The following AKTIP variants were observed in gnomAD, a reference collection of about 807,000 sequenced individuals.
The protein encoded by AKTIP is AKT interacting protein.
In AKTIP, 16 loss-of-function variants were observed where a neutral mutation model predicts 39.1. The ratio of observed to expected loss-of-function variants is 0.41; its 90% CI spans 0.28 to 0.62. The LOEUF (loss-of-function observed/expected upper bound fraction) is 0.62. Ranked by LOEUF, AKTIP falls within the 20% of genes least tolerant of loss-of-function variation. The probability of loss-of-function intolerance (pLI) is 0.32; values close to 1 mark genes in which losing one functional copy is unlikely to be tolerated. For missense variants in AKTIP, 262 were observed against 356.6 expected, an observed-to-expected ratio of 0.73 and a Z score of 2.14; for synonymous variants, 93 against 124.3, an observed-to-expected ratio of 0.75 and a Z score of 1.67.
intron 3 of AKTIP, 80 bp downstream of exon 3, chr16:53,498,311 C>T: frequency 7.0e-7 from 1 of 1,424,544 alleles, no homozygotes; most frequent in Non-Finnish European, 9.9e-7. Context: ...CTGCCCTTTA[C>T]TGCATCCATC....
Position 53,494,359 on chromosome 16 carries a change from C to T in AKTIP, c.582G>A (p.Leu194=). Reference sequence around the variant, plus strand: ...CATACAGTACTGCAGCCTCTGGGTTCAGGGGGCTTGCTGTATCAATCTTGT... The same window carrying T: ...CATACAGTACTGCAGCCTCTGGGTTTAGGGGGCTTGCTGTATCAATCTTGT... ...VFYKIDTASP[L]NPEAAVLYEK... is the part of the protein sequence containing the mutation. The change falls in exon 7 of 10, where the codon CTG becomes CTA. Residue 194 remains leucine (L), a synonymous_variant. Transcript: ENST00000394657. 6.2e-7 allele frequency: 1 copy of T among 1,614,188 alleles called. No individual in the cohort carries two copies. Among genetic ancestry groups the T allele is most frequent in the Non-Finnish European group, 8.5e-7 (1 of 1,180,032 alleles).
intron 3 of AKTIP, among the ~76,000 whole-genome samples, chr16:53,496,329 G>A (rs1365122592): frequency 1.3e-5 from 2 of 151,810 alleles, no homozygotes; most frequent in Non-Finnish European, 2.9e-5. Context: ...CCCAATAGAC[G>A]CCTGTCCAAC....
chr16:53,493,801 A>G lies in AKTIP; in HGVS notation c.710+337T>C, dbSNP rs41416749. On this transcript the variant is annotated intron_variant, in intron 8 of 9. Transcript: ENST00000394657. Reference sequence around the variant, plus strand: ...CTCCTTTTACCACATCTGAATGTCAATGAGGGTTTGGCAGTTTAAGAGGGG... The same window carrying G: ...CTCCTTTTACCACATCTGAATGTCAGTGAGGGTTTGGCAGTTTAAGAGGGG... 1,301 of 264,370 alleles carry G rather than the reference A, an allele frequency of 4.9e-3. 14 individuals carry two copies. The highest frequency in any genetic ancestry group is 0.024 in the African/African-American group (1,092 of 46,018). The allele number at this position is 264,370 out of a possible 1,614,324, so 16.4% of individuals were successfully genotyped here.
intron 3 of AKTIP, 109 bp downstream of exon 3, chr16:53,498,282 G>T: frequency 1.8e-6 from 2 of 1,131,022 alleles, no homozygotes; most frequent in Non-Finnish European, 2.6e-6. Flanking sequence ...GGACAGGTTT[G>T]AGCTTTGAGA....
At position 53,491,472 on chromosome 16, in the gene AKTIP, A is replaced by G. The variant is rs1161521607; in HGVS notation, c.*940T>C. 1 of 152,596 alleles carries G rather than the reference A, an allele frequency of 6.6e-6. No individual in the cohort carries two copies. The highest frequency in any genetic ancestry group is 2.4e-5 in the African/African-American group (1 of 41,462). 9.5% of individuals were successfully genotyped at this position (152,596 alleles called of 1,614,324 possible). On this transcript the variant is annotated 3_prime_UTR_variant, in exon 10 of 10. Coordinates refer to ENST00000394657, the MANE Select transcript of AKTIP (RefSeq NM_022476.4). ...TATTAGGGAGAAAATTCAATTGTAA[A>G]TTGAATCAGTATAAACAAAGTTACT...
At chr16:53,499,846 T>G (rs1962064272) in intron 2 of AKTIP, among the ~76,000 whole-genome samples, 1 of 152,164 alleles carries the variant, frequency 6.6e-6, no homozygotes, top group African/African-American at 2.4e-5. Flanking sequence ...TTAGAAAAAT[T>G]AAATTAGTGC....
At position 53,495,021 on chromosome 16, in the gene AKTIP, T is replaced by TCA. The variant is rs1382326556; in HGVS notation, c.414+50_414+51dup. The stretch of plus-strand genomic sequence containing the variant: ...AGAACCAGGAAAGCTGTAAGCCCTT[T>TCA]CAGCCCTTCTCGCTGATCCACAAAT... On this transcript the variant is annotated intron_variant, in intron 5 of 9. Coordinates refer to ENST00000394657, the MANE Select transcript of AKTIP (RefSeq NM_022476.4). The TCA allele has an allele frequency of 2.0e-6, 3 of 1,493,666 alleles. No individual in the cohort carries two copies. The Admixed American group carries it at 5.0e-5, about 25-fold the overall frequency. The allele number at this position is 1,493,666 out of a possible 1,614,324, so 92.5% of individuals were successfully genotyped here.
chr16:53,502,851 G>C (rs867970581), intron 1 of AKTIP: 4 of 152,120 alleles, frequency 2.6e-5, no homozygotes, highest in Admixed American at 1.3e-4. Flanking sequence ...CGGCCGGGGA[G>C]GGCGGGCACG....
At chr16:53,496,499 CTTT>C (rs576422100) in intron 3 of AKTIP, among the ~76,000 whole-genome samples, 6 of 78,968 alleles carry the variant, frequency 7.6e-5, no homozygotes, top group East Asian at 3.5e-4. Context: ...GTCAAGGATG[CTTT>C]TTTTTTTTTT....
intron 7 of AKTIP, 23 bp from the exon 8 acceptor site, chr16:53,494,268 A>C: frequency 6.2e-7 from 1 of 1,612,490 alleles, no homozygotes; most frequent in Non-Finnish European, 8.5e-7. Context: ...TTTAAGTCAA[A>C]AAGTTACTAA....
Position 53,494,356 on chromosome 16 carries a change from G to T in AKTIP, c.585C>A (p.Asn195Lys). The T allele has an allele frequency of 6.2e-7, 1 of 1,614,136 alleles. No individual in the cohort carries two copies. Among genetic ancestry groups the T allele is most frequent in the Non-Finnish European group, 8.5e-7 (1 of 1,180,010 alleles). ...FYKIDTASPLNPEAAVLYEKD... is the reference protein window; with the variant it reads ...FYKIDTASPLKPEAAVLYEKD... Reference sequence around the variant, plus strand: ...TTACATACAGTACTGCAGCCTCTGGGTTCAGGGGGCTTGCTGTATCAATCT... The same window carrying T: ...TTACATACAGTACTGCAGCCTCTGGTTTCAGGGGGCTTGCTGTATCAATCT... The change falls in exon 7 of 10, where the codon AAC becomes AAA. Residue 195 changes from asparagine (N) to lysine (K), a missense_variant. Physicochemically the swap from Asn to Lys is moderately conservative, Grantham distance 94. Around this residue, in one of 4 missense-constraint regions of AKTIP, gnomAD observed 145 missense variants for 159.3 expected, o/e 0.91. Coordinates refer to ENST00000394657, the MANE Select transcript of AKTIP (RefSeq NM_022476.4).
chr16:53,494,646 A>G (rs769136279), intron 5 of AKTIP, 41 bp from the exon 6 acceptor site: 1 of 1,579,830 alleles, frequency 6.3e-7, no homozygotes. Flanking sequence ...TAATGGAAGC[A>G]GTGGCGCTTA....
chr16:53,494,904 C>A, intron 5 of AKTIP, 169 bp downstream of exon 5: 1 of 762,278 alleles, frequency 1.3e-6, no homozygotes, highest in Non-Finnish European at 2.3e-6. Context: ...AGAAACAAAG[C>A]TCTGATGGCA....
At chr16:53,501,226 AT>A (rs1962149417) in intron 1 of AKTIP, 1 of 152,228 alleles carries the variant, frequency 6.6e-6, no homozygotes, top group Non-Finnish European at 1.5e-5. Context: ...TGTCAGTACC[AT>A]CCCCCAATAA....
At chr16:53,494,631 T>TCC in intron 5 of AKTIP, 26 bp from the exon 6 acceptor site, 1 of 1,605,616 alleles carries the variant, frequency 6.2e-7, no homozygotes, top group Non-Finnish European at 8.5e-7. Flanking sequence ...GAGAGACATG[T>TCC]CCTTTAATGG....
At chr16:53,497,038 C>T (rs921882424) in intron 3 of AKTIP, among the ~76,000 whole-genome samples, 3 of 152,088 alleles carry the variant, frequency 2.0e-5, no homozygotes, top group Non-Finnish European at 4.4e-5. Flanking sequence ...TTCCAGTGAT[C>T]CTCCTGCGTC....
chr16:53,491,199 A>G lies in AKTIP; in HGVS notation c.*1213T>C, dbSNP rs1393041492. 6.6e-6 allele frequency: 1 copy of G among 152,284 alleles called. No individual in the cohort carries two copies. Among genetic ancestry groups the G allele is most frequent in the African/African-American group, 2.4e-5 (1 of 41,456 alleles). The allele number at this position is 152,284 out of a possible 1,614,324, so 9.4% of individuals were successfully genotyped here. ...ATCAAGTTGAATTGAGGGGATTAAT[A>G]TGAAAACTTATGACCTCTTCCTTTA... On this transcript the variant is annotated 3_prime_UTR_variant, in exon 10 of 10. Coordinates refer to ENST00000394657, the MANE Select transcript of AKTIP (RefSeq NM_022476.4).
At position 53,494,594 on chromosome 16, in the gene AKTIP, G is replaced by A. The variant is rs777694925; in HGVS notation, c.426C>T (p.Phe142=). The A allele has an allele frequency of 1.1e-5, 18 of 1,613,792 alleles. 1 individual carries two copies. Among genetic ancestry groups the A allele is most frequent in the Middle Eastern group, 1.6e-4 (1 of 6,084 alleles). The change falls in exon 6 of 10, where the codon TTC becomes TTT. Residue 142 remains phenylalanine, a synonymous_variant. Transcript: ENST00000394657. The part of the protein sequence containing the change: ...YPDGDCPRLV[F]DIPVFHPLVD... ...CTAGCGGGTGAAAGACAGGAATATC[G>A]AACACCAAGCGCTGTATTTAAATAA...
intron 8 of AKTIP, 179 bp downstream of exon 8, chr16:53,493,959 T>C: frequency 1.8e-6 from 1 of 559,668 alleles, no homozygotes; most frequent in South Asian, 2.6e-5. Flanking sequence ...TGAAGCTTTT[T>C]GTTTAAGAGA....
Sources: gnomAD v4.1 joint callset for allele counts (sites outside exome capture counted in the v4.1 genomes callset) on GRCh38, gnomAD v4.1.1 for gene constraint, gnomAD v4.1.1 regional missense constraint, MANE v1.5 for transcripts, NCBI Gene and HGNC (gene_info 2026-07-23, HGNC 2026-07-21) for gene names.